Variants in PLCB4 observed in about 807,000 individuals in gnomAD.
PLCB4 encodes phospholipase C beta 4.
A neutral mutation model predicts 178.8 loss-of-function variants in PLCB4; 77 were observed. That is an observed-to-expected ratio of 0.43 (90% CI 0.36 to 0.52). The LOEUF (loss-of-function observed/expected upper bound fraction) is 0.52. Ranked by LOEUF, PLCB4 falls within the 20% of genes least tolerant of loss-of-function variation. PLCB4 has a pLI of 0.00. For missense variants in PLCB4, 1,024 were observed against 1,453.4 expected (o/e 0.70, Z 4.80); for synonymous variants, 496 against 490.8 (o/e 1.01, Z -0.14).
In PLCB4 at chr20:9,401,492, G is replaced by T. The variant is rs1568743240; in HGVS notation, c.1513G>T (p.Asp505Tyr). Residue 505 changes from aspartate (D) to tyrosine (Y), a missense_variant and splice_region_variant, in exon 20 of 40, where the codon GAC becomes TAC. Physicochemically the swap from Asp to Tyr is radical, Grantham distance 160. Transcript: ENST00000378473. The stretch of plus-strand genomic sequence containing the variant: ...TTTTCCATTTGTCTTTCACACAGCT[G>T]ACCAAGAGGAGGAAGCTCACCCCGA... ...DDNEEEIESADQEEEAHPEFK... is the reference protein window; with the variant it reads ...DDNEEEIESAYQEEEAHPEFK... 6.2e-7 allele frequency: 1 copy of T among 1,611,100 alleles called. No individual in the cohort carries two copies. Among genetic ancestry groups the T allele is most frequent in the Non-Finnish European group, 8.5e-7 (1 of 1,177,536 alleles).
chr20:9,390,044 TA>T, intron 16 of PLCB4, 86 bp downstream of exon 16: 1 of 711,794 alleles, frequency 1.4e-6, no homozygotes. Flanking sequence ...ACTTTTTAAA[TA>T]GCTGAATAGT....
chr20:9,295,389 T>C (rs1441745008), intron 3 of PLCB4, among the ~76,000 whole-genome samples: 1 of 152,176 alleles, frequency 6.6e-6, no homozygotes, highest in African/African-American at 2.4e-5. Flanking sequence ...AAAAAACTGC[T>C]ACTATACAGT....
intron 3 of PLCB4, among the ~76,000 whole-genome samples, chr20:9,231,413 T>TA (rs1281553804): frequency 6.6e-6 from 1 of 152,114 alleles, no homozygotes; most frequent in African/African-American, 2.4e-5. Flanking sequence ...TACAGGAGAT[T>TA]ATGCTGCATA....
intron 2 of PLCB4, among the ~76,000 whole-genome samples, chr20:9,157,362 C>A (rs914336053): frequency 1.3e-5 from 2 of 152,132 alleles, no homozygotes. Flanking sequence ...GATAGCAATT[C>A]TTGGGATGCT....
chr20:9,301,556 A>G (rs1234113463), intron 3 of PLCB4, among the ~76,000 whole-genome samples: 1 of 152,126 alleles, frequency 6.6e-6, no homozygotes, highest in Non-Finnish European at 1.5e-5. Context: ...TTAAAGACTC[A>G]GGACAGAGTA....
At chr20:9,451,020 A>G (rs1389430647) in intron 32 of PLCB4, among the ~76,000 whole-genome samples, 1 of 152,156 alleles carries the variant, frequency 6.6e-6, no homozygotes, top group Non-Finnish European at 1.5e-5. Flanking sequence ...GCAGTTGTTT[A>G]ATTATTGGCT....
chr20:9,252,949 A>G (rs1399826329), intron 3 of PLCB4, among the ~76,000 whole-genome samples: 2 of 152,148 alleles, frequency 1.3e-5, no homozygotes, highest in Non-Finnish European at 2.9e-5. Flanking sequence ...ATGGGCCTCC[A>G]CTTACAGACA....
chr20:9,299,842 A>G (rs1252805207), intron 3 of PLCB4, among the ~76,000 whole-genome samples: 1 of 152,032 alleles, frequency 6.6e-6, no homozygotes, highest in African/African-American at 2.4e-5. Flanking sequence ...GGATATTTCA[A>G]GGCTATAGAA....
At chr20:9,458,947 GCT>G (rs2043221697) in intron 34 of PLCB4, among the ~76,000 whole-genome samples, 1 of 152,164 alleles carries the variant, frequency 6.6e-6, no homozygotes, top group Non-Finnish European at 1.5e-5. Flanking sequence ...AGAACACACA[GCT>G]CTCTATTCAG....
At chr20:9,447,579 G>A (rs1245537848) in intron 32 of PLCB4, among the ~76,000 whole-genome samples, 1 of 152,206 alleles carries the variant, frequency 6.6e-6, no homozygotes, top group Admixed American at 6.5e-5. Flanking sequence ...GCCTTATGAG[G>A]TCTCTACCTT....
chr20:9,095,135 G>A (rs892931576), intron 1 of PLCB4, among the ~76,000 whole-genome samples: 1 of 152,196 alleles, frequency 6.6e-6, no homozygotes, highest in African/African-American at 2.4e-5. Flanking sequence ...TTGGCTATTT[G>A]CAGACATGGA....
chr20:9,332,389 G>A (rs2148030282), intron 4 of PLCB4, among the ~76,000 whole-genome samples: 1 of 152,090 alleles, frequency 6.6e-6, no homozygotes, highest in African/African-American at 2.4e-5. Flanking sequence ...GGGTTATTAT[G>A]TTTGTTAGTA....
chr20:9,458,560 T>C (rs892039957), intron 34 of PLCB4, among the ~76,000 whole-genome samples: 6 of 152,162 alleles, frequency 3.9e-5, no homozygotes, highest in Admixed American at 3.9e-4. Flanking sequence ...TGGAGACACT[T>C]GTGTATCTAC....
chr20:9,469,515 G>T (rs116224484), intron 36 of PLCB4, among the ~76,000 whole-genome samples: 3,770 of 152,288 alleles, frequency 0.025, 155 homozygotes, highest in African/African-American at 0.085. Flanking sequence ...ATCAAGGCAG[G>T]AATTGATGTG....
Position 9,200,303 on chromosome 20 carries a change from A to G in PLCB4, c.-78-17087A>G, listed in dbSNP as rs559317080. Among the ~76,000 whole-genome samples the G allele has an allele frequency of 6.2e-4, 95 of 152,278 alleles. No individual in the cohort carries two copies. In the South Asian group the frequency reaches 7.1e-3, roughly 11 times the overall value. ...TTACACGTCTGAATGCAATCCATCA[A>G]CCAATGCTGTTGTCTCTGTTTTCAA... is the stretch of plus-strand genomic sequence containing the variant. On this transcript the variant is annotated intron_variant, in intron 2 of 39. Coordinates refer to ENST00000378473, the MANE Select transcript of PLCB4 (RefSeq NM_001377142.1).
chr20:9,432,574 G>C (rs2041497120), intron 28 of PLCB4, among the ~76,000 whole-genome samples: 1 of 152,158 alleles, frequency 6.6e-6, no homozygotes, highest in Non-Finnish European at 1.5e-5. Context: ...AAGTTTAATG[G>C]ATACAAGTTA....
chr20:9,455,306 A>G (rs568403096), intron 33 of PLCB4, among the ~76,000 whole-genome samples: 1 of 152,318 alleles, frequency 6.6e-6, no homozygotes, highest in East Asian at 1.9e-4. Flanking sequence ...TTTTGGCTTA[A>G]CCAAACCAAA....
chr20:9,264,889 A>G (rs1471761662), intron 3 of PLCB4, among the ~76,000 whole-genome samples: 2 of 152,168 alleles, frequency 1.3e-5, no homozygotes, highest in African/African-American at 2.4e-5. Flanking sequence ...GTCAAGAGAC[A>G]TCATCCTGTC....
At chr20:9,264,923 A>T (rs1000618416) in intron 3 of PLCB4, among the ~76,000 whole-genome samples, 38 of 152,082 alleles carry the variant, frequency 2.5e-4, no homozygotes, top group African/African-American at 9.2e-4. Context: ...ACAGGTGTGG[A>T]TGTGGGCAGA....
Sources: gnomAD v4.1 joint callset for allele counts (sites outside exome capture counted in the v4.1 genomes callset) on GRCh38, gnomAD v4.1.1 for gene constraint, MANE v1.5 for transcripts, NCBI Gene and HGNC (gene_info 2026-07-23, HGNC 2026-07-21) for gene names.